The following RSPH9 variants were observed in gnomAD, a reference collection of about 807,000 sequenced individuals.
RSPH9 encodes the protein radial spoke head component 9.
Under a neutral mutation model 27.0 loss-of-function variants are expected in RSPH9, and 27 were observed. The ratio of observed to expected loss-of-function variants is 1.00; its 90% CI spans 0.74 to 1.38. The LOEUF is 1.38. RSPH9 is among the 40% of genes most tolerant of loss of function. RSPH9 has a pLI of 0.00. For missense variants in RSPH9, 347 were observed against 357.4 expected (o/e 0.97, Z 0.24); for synonymous variants, 145 against 147.7 (o/e 0.98, Z 0.13).
At position 43,670,947 on chromosome 6, in the gene RSPH9, T is replaced by C. The variant is rs141935442; in HGVS notation, c.829T>C (p.Ter277GlnextTer9). Reference sequence around the variant, plus strand: ...GAACATGGACTTGCCCTTCATGCTATAGAATGGGAGCCAGCCTGGATGTTT... The same window carrying C: ...GAACATGGACTTGCCCTTCATGCTACAGAATGGGAGCCAGCCTGGATGTTT... ...EKNMDLPFML[*>Q] Residue 277 changes from the stop codon to glutamine (Q), a stop_lost, in exon 5 of 5, where the codon TAG (stop) becomes CAG (glutamine). Coordinates refer to ENST00000372163, the MANE Select transcript of RSPH9 (RefSeq NM_152732.5). 25 of 1,614,058 alleles carry C rather than the reference T, an allele frequency of 1.5e-5. No homozygotes were observed. The highest frequency in any genetic ancestry group is 2.7e-5 in the African/African-American group (2 of 74,940).
chr6:43,649,816 C>T (rs1419720260), intron 1 of RSPH9, among the ~76,000 whole-genome samples: 2 of 152,114 alleles, frequency 1.3e-5, no homozygotes, highest in Admixed American at 1.3e-4. Context: ...GAAACTCATC[C>T]AGAATTTCAC....
At position 43,645,067 on chromosome 6, in the gene RSPH9, C is replaced by G. The variant is rs1410119419; in HGVS notation, c.-32C>G. On this transcript the variant is annotated 5_prime_UTR_variant, in exon 1 of 5. Coordinates refer to ENST00000372163, the MANE Select transcript of RSPH9 (RefSeq NM_152732.5). Reference sequence around the variant, plus strand: ...CCATGGAGGCGGCTTCTCCTAGCAACTCGACGGGCGTTGAGCGGAGCCGCT... The same window carrying G: ...CCATGGAGGCGGCTTCTCCTAGCAAGTCGACGGGCGTTGAGCGGAGCCGCT... 6.3e-7 allele frequency: 1 copy of G among 1,592,762 alleles called. No homozygotes were observed. Among genetic ancestry groups the G allele is most frequent in the Non-Finnish European group, 8.6e-7 (1 of 1,167,602 alleles).
At chr6:43,659,442 G>C (rs1335014076) in intron 4 of RSPH9, among the ~76,000 whole-genome samples, 1 of 151,378 alleles carries the variant, frequency 6.6e-6, no homozygotes, top group Non-Finnish European at 1.5e-5. Flanking sequence ...GAGTGCAGTG[G>C]TGCGATCTCG....
chr6:43,651,085 AT>A (rs1771422509), intron 2 of RSPH9, among the ~76,000 whole-genome samples: 1 of 151,922 alleles, frequency 6.6e-6, no homozygotes, highest in Non-Finnish European at 1.5e-5. Context: ...ATGAGCCAGC[AT>A]CCCTGATGAC....
intron 4 of RSPH9, among the ~76,000 whole-genome samples, chr6:43,661,328 C>T (rs1014741334): frequency 6.6e-6 from 1 of 152,162 alleles, no homozygotes; most frequent in African/African-American, 2.4e-5. Context: ...TTCTTTGAAG[C>T]TTTAATGCCA....
intron 4 of RSPH9, among the ~76,000 whole-genome samples, chr6:43,669,584 A>G (rs1453890086): frequency 6.6e-6 from 1 of 152,246 alleles, no homozygotes; most frequent in Non-Finnish European, 1.5e-5. Flanking sequence ...AAGGCCTCAG[A>G]GAAGCTCTCA....
At chr6:43,659,192 C>T (rs1478964940) in intron 4 of RSPH9, among the ~76,000 whole-genome samples, 1 of 151,982 alleles carries the variant, frequency 6.6e-6, no homozygotes, top group Non-Finnish European at 1.5e-5. Context: ...TTTCTTCTTC[C>T]ACCACATCCG....
At chr6:43,664,292 A>T (rs974966581) in intron 4 of RSPH9, among the ~76,000 whole-genome samples, 2 of 152,128 alleles carry the variant, frequency 1.3e-5, no homozygotes, top group Non-Finnish European at 2.9e-5. Context: ...GTGCAGTGGC[A>T]TGATCTCAGC....
intron 4 of RSPH9, among the ~76,000 whole-genome samples, chr6:43,663,120 T>C (rs1240345619): frequency 6.6e-6 from 1 of 152,216 alleles, no homozygotes; most frequent in East Asian, 1.9e-4. Context: ...CTGACATGCC[T>C]TCCTTACTAA....
chr6:43,646,167 T>C (rs1770840595), intron 1 of RSPH9, among the ~76,000 whole-genome samples: 1 of 152,022 alleles, frequency 6.6e-6, no homozygotes, highest in South Asian at 2.1e-4. Flanking sequence ...AGTCTCGCTC[T>C]GTCGCCCAGG....
At chr6:43,645,556 G>A (rs981317012) in intron 1 of RSPH9, among the ~76,000 whole-genome samples, 5 of 152,156 alleles carry the variant, frequency 3.3e-5, no homozygotes, top group Non-Finnish European at 5.9e-5. Context: ...AGGCTAGGGC[G>A]GAGCCTGAGA....
At chr6:43,664,027 G>GA (rs1294350617) in intron 4 of RSPH9, among the ~76,000 whole-genome samples, 2,323 of 78,792 alleles carry the variant, frequency 0.029, 83 homozygotes, top group African/African-American at 0.11. Flanking sequence ...AGAATGTCTC[G>GA]AAAAAAAAAA....
At chr6:43,657,765 G>T (rs1356619674) in intron 4 of RSPH9, among the ~76,000 whole-genome samples, 2 of 152,156 alleles carry the variant, frequency 1.3e-5, no homozygotes, top group Non-Finnish European at 2.9e-5. Flanking sequence ...ATTTCCCTGT[G>T]CCTCAGTTTC....
At chr6:43,646,872 C>T (rs1180481366) in intron 1 of RSPH9, among the ~76,000 whole-genome samples, 1 of 150,868 alleles carries the variant, frequency 6.6e-6, no homozygotes, top group African/African-American at 2.4e-5. Context: ...AGAAGAATCA[C>T]TTGAATCTGG....
intron 4 of RSPH9, among the ~76,000 whole-genome samples, chr6:43,665,266 T>G (rs1773029270): frequency 6.6e-6 from 1 of 152,186 alleles, no homozygotes; most frequent in Non-Finnish European, 1.5e-5. Flanking sequence ...CTGTCTCGGG[T>G]AAGGTGGACC....
chr6:43,664,009 A>G (rs557162989), intron 4 of RSPH9, among the ~76,000 whole-genome samples: 1 of 149,638 alleles, frequency 6.7e-6, no homozygotes, highest in Non-Finnish European at 1.5e-5. Flanking sequence ...AGCCTGGGTG[A>G]CAGAATGAGA....
Position 43,672,579 on chromosome 6 carries a change from A to T in RSPH9, c.*1630A>T. ...TAGGATTGGGTTTTACTCTGTCCAGAATAAAACTTGGATCCTGTCCAGAAA... is the reference window on the plus strand; with the variant it reads ...TAGGATTGGGTTTTACTCTGTCCAGTATAAAACTTGGATCCTGTCCAGAAA... On this transcript the variant is annotated 3_prime_UTR_variant, in exon 5 of 5. Coordinates refer to ENST00000372163, the MANE Select transcript of RSPH9 (RefSeq NM_152732.5). 2.8e-6 allele frequency: 1 copy of T among 356,270 alleles called. No individual in the cohort carries two copies. Among genetic ancestry groups the T allele is most frequent in the Non-Finnish European group, 5.9e-6 (1 of 169,192 alleles). 22.1% of individuals were successfully genotyped at this position (356,270 alleles called of 1,614,324 possible). A position where few individuals can be genotyped will look rare whatever the true frequency, so the allele number is the denominator to read the frequency against.
rs570578504 is a variant in RSPH9, at chr6:43,670,864, T to C, written c.746T>C (p.Phe249Ser). 9.5e-5 allele frequency: 154 copies of C among 1,614,226 alleles called. 1 individual carries two copies. In the South Asian group the frequency reaches 1.6e-3, roughly 17 times the overall value. Residue 249 changes from phenylalanine (F) to serine (S), a missense_variant, in exon 5 of 5, where the codon TTC becomes TCC. Transcript: ENST00000372163. ...LRSLLWPGLT[F>S]YHAPRTKNYG... is the part of the protein sequence containing the mutation. ...AGCCTGCTCTGGCCGGGCCTCACCT[T>C]CTACCATGCTCCCCGCACCAAGAAC... is the stretch of plus-strand genomic sequence containing the variant.
intron 1 of RSPH9, 59 bp downstream of exon 1, chr6:43,645,384 T>A: frequency 8.9e-6 from 1 of 112,666 alleles, no homozygotes; most frequent in South Asian, 4.5e-5. Flanking sequence ...CAGGGCGGGG[T>A]GGGCGGGTCG....
Sources: allele counts gnomAD v4.1 joint callset (sites outside exome capture counted in the v4.1 genomes callset), GRCh38; gene constraint gnomAD v4.1.1; transcripts MANE v1.5; gene names NCBI Gene and HGNC (gene_info 2026-07-23, HGNC 2026-07-21).